The following PITPNC1 variants were observed in gnomAD, a reference collection of about 807,000 sequenced individuals.
PITPNC1 encodes the protein cytoplasmic phosphatidylinositol transfer protein 1.
A neutral mutation model predicts 44.7 loss-of-function variants in PITPNC1; 18 were observed. The observed-to-expected ratio is 0.40, with a 90% CI of 0.28 to 0.60. PITPNC1 has a LOEUF of 0.60. Among genes scored for constraint, PITPNC1 ranks in the 20% least tolerant of loss-of-function variants. The pLI is 0.39. For missense variants in PITPNC1, 290 were observed against 418.4 expected, an observed-to-expected ratio of 0.69 and a Z score of 2.68; for synonymous variants, 141 against 149.6, an observed-to-expected ratio of 0.94 and a Z score of 0.42.
chr17:67,687,275 C>T, intron 8 of PITPNC1: 1 of 721,408 alleles, frequency 1.4e-6, no homozygotes, highest in Non-Finnish European at 2.5e-6. Context: ...CGGTTCGCAA[C>T]CTTCCATAGA....
At chr17:67,595,247 G>A (rs1221198083) in intron 5 of PITPNC1, among the ~76,000 whole-genome samples, 5 of 152,274 alleles carry the variant, frequency 3.3e-5, no homozygotes, top group Non-Finnish European at 5.9e-5. Context: ...AGGCCTGGAA[G>A]GTTGTTTGTT....
At chr17:67,653,978 A>C (rs1244368865) in intron 6 of PITPNC1, among the ~76,000 whole-genome samples, 1 of 152,092 alleles carries the variant, frequency 6.6e-6, no homozygotes, top group Non-Finnish European at 1.5e-5. Context: ...CAGTACATGC[A>C]CCGTTCAAGG....
In PITPNC1 at chr17:67,466,900, A is replaced by G. The variant is rs558594178; in HGVS notation, c.49-65902A>G. On this transcript the variant is annotated intron_variant, in intron 1 of 8. Transcript: ENST00000581322. ...CCCCCCCAAATCCAGCAAGCAATCT[A>G]GCTCCTTAAGAGAAGACTATGTTCC... 2.6e-5 allele frequency among the ~76,000 whole-genome samples: 4 copies of G among 152,240 alleles called. No homozygotes were observed. The East Asian group carries it at 7.7e-4, about 29-fold the overall frequency.
chr17:67,558,076 T>C (rs2040862363), intron 4 of PITPNC1, among the ~76,000 whole-genome samples: 1 of 152,214 alleles, frequency 6.6e-6, no homozygotes, highest in Non-Finnish European at 1.5e-5. Context: ...TATCTGACTG[T>C]TTAGCCTATT....
rs185709866 is a variant in PITPNC1 at position 67,451,724 on chromosome 17, C to T, written c.48+73522C>T. Reference sequence around the variant, plus strand: ...CGCGATCTCGGCTCACTGCAATCTCCGCCTCCCGGGTTCATGCCATTCTCC... The same window carrying T: ...CGCGATCTCGGCTCACTGCAATCTCTGCCTCCCGGGTTCATGCCATTCTCC... On this transcript the variant is annotated intron_variant, in intron 1 of 8. Coordinates refer to ENST00000581322, the MANE Select transcript of PITPNC1 (RefSeq NM_012417.4). Among the ~76,000 whole-genome samples, 11 of 151,988 alleles carry T rather than the reference C, an allele frequency of 7.2e-5. No homozygotes were observed. The East Asian group carries it at 1.6e-3, about 21-fold the overall frequency.
intron 1 of PITPNC1, among the ~76,000 whole-genome samples, chr17:67,455,524 G>T (rs180951505): frequency 1.3e-5 from 2 of 152,080 alleles, no homozygotes; most frequent in Admixed American, 6.6e-5. Flanking sequence ...GGGTTCAAGC[G>T]ATTCTCCTGC....
intron 5 of PITPNC1, among the ~76,000 whole-genome samples, chr17:67,593,097 C>G (rs2041414083): frequency 6.6e-6 from 1 of 152,026 alleles, no homozygotes. Flanking sequence ...AAATAAATTC[C>G]AAAAGTGTTT....
intron 5 of PITPNC1, among the ~76,000 whole-genome samples, chr17:67,603,487 T>G (rs1044545868): frequency 2.6e-5 from 4 of 152,202 alleles, no homozygotes; most frequent in African/African-American, 9.6e-5. Flanking sequence ...ATTTTACAAC[T>G]GACACTGAGG....
intron 1 of PITPNC1, among the ~76,000 whole-genome samples, chr17:67,515,714 A>G (rs1038228966): frequency 6.6e-6 from 1 of 152,194 alleles, no homozygotes; most frequent in East Asian, 1.9e-4. Flanking sequence ...TTGACTGGGC[A>G]AGCGGAAGGG....
intron 1 of PITPNC1, among the ~76,000 whole-genome samples, chr17:67,527,513 G>T (rs915509399): frequency 6.6e-6 from 1 of 151,652 alleles, no homozygotes; most frequent in Non-Finnish European, 1.5e-5. Flanking sequence ...GACCAGCCTG[G>T]CCAACATGGC....
rs570387669 is a variant in PITPNC1 at position 67,438,941 on chromosome 17, G to C, written c.48+60739G>C. Among the ~76,000 whole-genome samples, 27 of 152,286 alleles carry C rather than the reference G, an allele frequency of 1.8e-4. No individual in the cohort carries two copies. The South Asian group carries it at 3.1e-3, about 18-fold the overall frequency. ...TTTCCCTTGGCCTGTCCTGTAGAAAGGGACTGCAATTGAGCACTTTTTTAA... is the reference window on the plus strand; with the variant it reads ...TTTCCCTTGGCCTGTCCTGTAGAAACGGACTGCAATTGAGCACTTTTTTAA... On this transcript the variant is annotated intron_variant, in intron 1 of 8. Transcript: ENST00000581322.
intron 1 of PITPNC1, among the ~76,000 whole-genome samples, chr17:67,402,477 A>G (rs956508579): frequency 6.6e-6 from 1 of 152,114 alleles, no homozygotes; most frequent in Non-Finnish European, 1.5e-5. Context: ...GTGGTCAGTT[A>G]CACTTGGTCT....
intron 6 of PITPNC1, among the ~76,000 whole-genome samples, chr17:67,664,089 G>A (rs557745455): frequency 5.9e-5 from 9 of 152,146 alleles, no homozygotes; most frequent in South Asian, 4.1e-4. Flanking sequence ...CAGCCTTCCC[G>A]AGTACCTGGG....
At chr17:67,577,786 A>T (rs1393147228) in intron 4 of PITPNC1, among the ~76,000 whole-genome samples, 3 of 152,208 alleles carry the variant, frequency 2.0e-5, no homozygotes, top group African/African-American at 7.2e-5. Context: ...ATGAGCATTT[A>T]TATAAAGATT....
intron 5 of PITPNC1, among the ~76,000 whole-genome samples, chr17:67,609,289 T>C (rs1312321472): frequency 1.4e-4 from 6 of 43,372 alleles, no homozygotes; most frequent in African/African-American, 2.8e-4. Flanking sequence ...TTCTTCTTCC[T>C]TTTTTTTTTT....
chr17:67,494,709 G>A (rs974296459), intron 1 of PITPNC1, among the ~76,000 whole-genome samples: 12 of 152,036 alleles, frequency 7.9e-5, no homozygotes, highest in East Asian at 1.9e-4. Flanking sequence ...AGTGGCTCAC[G>A]CCTGTAATCC....
intron 1 of PITPNC1, among the ~76,000 whole-genome samples, chr17:67,531,517 T>C (rs1182876213): frequency 6.6e-6 from 1 of 152,174 alleles, no homozygotes; most frequent in Non-Finnish European, 1.5e-5. Context: ...ACCAGAGCCT[T>C]TCAGAGCTTC....
At chr17:67,525,157 C>T (rs974943431) in intron 1 of PITPNC1, 3 of 152,108 alleles carry the variant, frequency 2.0e-5, no homozygotes, top group African/African-American at 7.2e-5. Flanking sequence ...CCCTCTATTC[C>T]ATGGGCCACA....
chr17:67,399,392 C>T (rs571035724), intron 1 of PITPNC1, among the ~76,000 whole-genome samples: 41 of 152,240 alleles, frequency 2.7e-4, no homozygotes, highest in Non-Finnish European at 5.3e-4. Flanking sequence ...CTTCAAGGCT[C>T]TCGTCTCCTT....
Sources: gnomAD v4.1 joint callset for allele counts (sites outside exome capture counted in the v4.1 genomes callset) on GRCh38, gnomAD v4.1.1 for gene constraint, MANE v1.5 for transcripts, NCBI Gene and HGNC (gene_info 2026-07-23, HGNC 2026-07-21) for gene names.